The following CAPN13 variants were observed in gnomAD, a reference collection of about 807,000 sequenced individuals.
CAPN13 encodes calpain 13, also known as calpain-13.
Under a neutral mutation model 98.4 loss-of-function variants are expected in CAPN13, and 90 were observed. That is an observed-to-expected ratio of 0.92 (90% CI 0.77 to 1.09). The LOEUF is 1.09. Among genes scored for constraint, CAPN13 ranks in the 50% least tolerant of loss-of-function variants. CAPN13 has a pLI of 0.00. For missense variants in CAPN13, 887 were observed against 841.3 expected (o/e 1.05, Z -0.67); for synonymous variants, 330 against 305.5 (o/e 1.08, Z -0.84).
intron 11 of CAPN13, among the ~76,000 whole-genome samples, chr2:30,745,982 C>A (rs4245770): frequency 6.7e-6 from 1 of 148,636 alleles, no homozygotes; most frequent in Admixed American, 6.8e-5. Context: ...CTTACTGCAA[C>A]CTCCGCCTCC....
rs758171090 is a variant in CAPN13, at chr2:30,732,455, C to T, written c.1910G>A (p.Arg637Gln). The change falls in exon 20 of 23, where the codon CGG (arginine) becomes CAG (glutamine). Residue 637 changes from arginine to glutamine, a missense_variant. Physicochemically the swap from Arg to Gln is conservative, Grantham distance 43 (BLOSUM62 1). Transcript: ENST00000295055. ...ACACTTACTTGCCATGGCTTCAAGC[C>T]GCATCAGGAAGCAGACCAGGCTGGG... is the stretch of plus-strand genomic sequence containing the variant. ...SFPSLVCFLM[R>Q]LEAMAKTFRN... 56 of 1,613,594 alleles carry T rather than the reference C, an allele frequency of 3.5e-5. No homozygotes were observed. The highest frequency in any genetic ancestry group is 4.1e-5 in the Non-Finnish European group (48 of 1,179,800).
chr2:30,755,620 T>C (rs116077292), intron 8 of CAPN13, among the ~76,000 whole-genome samples: 1,798 of 152,030 alleles, frequency 0.012, 33 homozygotes, highest in African/African-American at 0.041. Context: ...GAGGCATGCT[T>C]GTAAGCAATG....
intron 11 of CAPN13, among the ~76,000 whole-genome samples, chr2:30,747,833 A>G (rs1180109372): frequency 2.0e-5 from 3 of 152,210 alleles, no homozygotes; most frequent in East Asian, 1.9e-4. Context: ...ATTTAACTCA[A>G]TCAGGATCTT....
intron 1 of CAPN13, among the ~76,000 whole-genome samples, chr2:30,803,778 C>T (rs1349791260): frequency 1.3e-5 from 2 of 152,166 alleles, no homozygotes; most frequent in Non-Finnish European, 2.9e-5. Flanking sequence ...TAGTTTGTCT[C>T]TGAGGCAACA....
chr2:30,743,457 A>G lies in CAPN13; in HGVS notation c.1371T>C (p.Val457=). Residue 457 remains valine (V), a synonymous_variant, in exon 13 of 23, where the codon GTT becomes GTC. Coordinates refer to ENST00000295055, the MANE Select transcript of CAPN13 (RefSeq NM_144575.3). ...ATTTTCTCCGTGTCTGTGCAACCAC[A>G]ACATAGTTCCCAGGGCTCAGATGGT... The part of the protein sequence containing the change: ...MTYHLSPGNY[V]VVAQTRRKSA... 1.2e-6 allele frequency: 2 copies of G among 1,614,032 alleles called. No homozygotes were observed. The highest frequency in any genetic ancestry group is 2.2e-5 in the East Asian group (1 of 44,888).
At position 30,744,354 on chromosome 2, in the gene CAPN13, C is replaced by T. The variant is rs191577245; in HGVS notation, c.1249-775G>A. ...GTAAAACAGGAGATAGGCCACTGCC[C>T]CAGGGGTATGGGAGGGTGGCATCTC... On this transcript the variant is annotated intron_variant, in intron 12 of 22. Coordinates refer to ENST00000295055, the MANE Select transcript of CAPN13 (RefSeq NM_144575.3). 2.7e-3 allele frequency among the ~76,000 whole-genome samples: 415 copies of T among 152,234 alleles called. 1 individual carries two copies. The Middle Eastern group carries it at 0.034, about 12-fold the overall frequency.
intron 1 of CAPN13, among the ~76,000 whole-genome samples, chr2:30,800,560 C>G (rs1675211788): frequency 6.6e-6 from 1 of 152,202 alleles, no homozygotes; most frequent in South Asian, 2.1e-4. Context: ...CTCCCCTAGC[C>G]TCGGTCTCCC....
intron 2 of CAPN13, among the ~76,000 whole-genome samples, chr2:30,783,958 A>G (rs981026631): frequency 3.2e-4 from 49 of 152,218 alleles, no homozygotes; most frequent in African/African-American, 1.1e-3. Flanking sequence ...AGGTGGGTGG[A>G]TCACTCGAGG....
chr2:30,751,088 A>C lies in CAPN13; in HGVS notation c.1236+15T>G. 6.2e-7 allele frequency: 1 copy of C among 1,612,758 alleles called. No individual in the cohort carries two copies. Among genetic ancestry groups the C allele is most frequent in the Non-Finnish European group, 8.5e-7 (1 of 1,179,364 alleles). On this transcript the variant is annotated intron_variant, in intron 11 of 22. Transcript: ENST00000295055. The stretch of plus-strand genomic sequence containing the variant: ...AAATTTCTACAAGGGAAAGCCCTGA[A>C]GCAGGCTGCCTTACCAGAATCACTT...
intron 1 of CAPN13, among the ~76,000 whole-genome samples, chr2:30,800,940 TCAGATTTCC>T (rs1675233342): frequency 1.3e-5 from 2 of 152,234 alleles, no homozygotes; most frequent in African/African-American, 4.8e-5. Context: ...TAATCTGTGC[TCAGATTTCC>T]CAGCATGGTT....
chr2:30,727,947 G>T (rs1223497525), intron 22 of CAPN13, among the ~76,000 whole-genome samples: 2 of 151,926 alleles, frequency 1.3e-5, no homozygotes, highest in Non-Finnish European at 2.9e-5. Flanking sequence ...ATGGGGTAAA[G>T]CCACAATGAA....
In CAPN13 at chr2:30,753,065, C is replaced by A; in HGVS notation, c.1075G>T (p.Gly359Ter). 2.5e-6 allele frequency: 4 copies of A among 1,613,902 alleles called. No individual in the cohort carries two copies. The highest frequency in any genetic ancestry group is 3.4e-6 in the Non-Finnish European group (4 of 1,179,830). ...QIMFRKQVIL[G>*]NTAGGPRNDA... is the part of the protein sequence containing the mutation. ...GCGTCATGATTACCTGCAGTGTTTC[C>A]TAGAATCACTTGCTTCCTAAACATT... Residue 359 changes from glycine to a stop codon, truncating the protein, a stop_gained, in exon 10 of 23, where the codon GGA becomes TGA. Coordinates refer to ENST00000295055, the MANE Select transcript of CAPN13 (RefSeq NM_144575.3). LOFTEE classifies it high-confidence loss of function.
intron 1 of CAPN13, 36 bp from the exon 2 acceptor site, chr2:30,787,393 C>G: frequency 6.8e-7 from 1 of 1,464,534 alleles, no homozygotes; most frequent in Non-Finnish European, 9.1e-7. Context: ...TTGGGGTAAG[C>G]CATCAAGTCC....
At chr2:30,778,624 C>T (rs1033757997) in intron 2 of CAPN13, among the ~76,000 whole-genome samples, 9 of 152,186 alleles carry the variant, frequency 5.9e-5, no homozygotes, top group Non-Finnish European at 1.2e-4. Flanking sequence ...GAGTCATGTG[C>T]CTTGTAGAAC....
At chr2:30,777,076 G>C (rs1479986849) in intron 3 of CAPN13, among the ~76,000 whole-genome samples, 4 of 152,132 alleles carry the variant, frequency 2.6e-5, no homozygotes, top group Non-Finnish European at 4.4e-5. Context: ...TCACTCCAAG[G>C]CTTCTCTTTC....
chr2:30,734,150 C>T (rs1048703297), intron 19 of CAPN13, among the ~76,000 whole-genome samples: 3 of 152,162 alleles, frequency 2.0e-5, no homozygotes, highest in African/African-American at 4.8e-5. Flanking sequence ...AAGGCGAGCT[C>T]GATTCCTGAT....
Position 30,742,358 on chromosome 2 carries a change from G to T in CAPN13, c.1447C>A (p.His483Asn). 6.2e-7 allele frequency: 1 copy of T among 1,604,288 alleles called. No homozygotes were observed. The highest frequency in any genetic ancestry group is 1.7e-5 in the Admixed American group (1 of 58,670). Residue 483 changes from histidine to asparagine, a missense_variant and splice_region_variant, in exon 14 of 23, where the codon CAC becomes AAC. By Grantham distance (68) the His-to-Asn change is moderately conservative. Transcript: ENST00000295055. ...CTGAGGTTGAAATGGCTGCTCAGGT[G>T]CCTAGAAAATCAGAGGACAGTGTGA... Reference protein sequence around the residue: ...IFLKMPDSDRHLSSHFNLRMK... With the variant: ...IFLKMPDSDRNLSSHFNLRMK...
At chr2:30,776,643 G>C (rs1432164213) in intron 3 of CAPN13, among the ~76,000 whole-genome samples, 1 of 152,200 alleles carries the variant, frequency 6.6e-6, no homozygotes, top group Non-Finnish European at 1.5e-5. Flanking sequence ...GAAGTAGGGG[G>C]ACGTTCTCTC....
intron 19 of CAPN13, 120 bp downstream of exon 19, chr2:30,734,329 G>A (rs1249575500): frequency 1.4e-6 from 1 of 740,560 alleles, no homozygotes; most frequent in Non-Finnish European, 2.3e-6. Flanking sequence ...GGACACGAGA[G>A]CTGCAGCGCT....
Sources: allele counts gnomAD v4.1 joint callset (sites outside exome capture counted in the v4.1 genomes callset), GRCh38; gene constraint gnomAD v4.1.1; transcripts MANE v1.5; gene names NCBI Gene and HGNC (gene_info 2026-07-23, HGNC 2026-07-21).